ASCC2: variants seen among roughly 807,000 people sequenced by gnomAD.
The protein encoded by ASCC2 is ASC-1 complex subunit P100.
Under a neutral mutation model 93.5 loss-of-function variants are expected in ASCC2, and 42 were observed. That is an observed-to-expected ratio of 0.45 (90% CI 0.35 to 0.58). The LOEUF (loss-of-function observed/expected upper bound fraction) is 0.58. ASCC2 is among the 20% of genes least tolerant of loss of function. The probability of loss-of-function intolerance (pLI) is 0.00; values close to 1 mark genes in which losing one functional copy is unlikely to be tolerated. For synonymous variants in ASCC2, 364 were observed against 384.2 expected (o/e 0.95, Z 0.62); for missense variants, 859 against 977.6 (o/e 0.88, Z 1.62).
intron 1 of ASCC2, among the ~76,000 whole-genome samples, chr22:29,837,438 GA>G (rs57271738): frequency 0.31 from 46,560 of 151,930 alleles, 8,324 homozygotes; most frequent in East Asian, 0.58. Flanking sequence ...GTCTTGGGGG[GA>G]AAAAATAAAT....
intron 15 of ASCC2, among the ~76,000 whole-genome samples, chr22:29,796,834 G>A (rs1056502410): frequency 6.6e-6 from 1 of 152,208 alleles, no homozygotes; most frequent in Non-Finnish European, 1.5e-5. Flanking sequence ...GGAGACTGAG[G>A]AAGAATGAGA....
intron 5 of ASCC2, among the ~76,000 whole-genome samples, chr22:29,818,102 GAA>G (rs34780837): frequency 9.1e-4 from 108 of 118,828 alleles, no homozygotes; most frequent in Non-Finnish European, 1.1e-3. Context: ...GGATTGCTTG[GAA>G]AAAAAAAAAA....
intron 8 of ASCC2, among the ~76,000 whole-genome samples, chr22:29,810,991 A>G (rs1865987604): frequency 6.6e-6 from 1 of 152,174 alleles, no homozygotes; most frequent in East Asian, 1.9e-4. Flanking sequence ...TTGGCCTCCC[A>G]AAGTGCTGGA....
At position 29,825,775 on chromosome 22, in the gene ASCC2, G is replaced by A. The variant is rs537310404; in HGVS notation, c.87C>T (p.Pro29=). ...GKLRTSPALH[P]EQKADRYFVL... ...CAAAATACCGGTCTGCCTTCTGCTC[G>A]GGGTGCTACGGATCCAAAAACCACG... is the stretch of plus-strand genomic sequence containing the variant. Residue 29 remains proline (P), a synonymous_variant, in exon 3 of 20, where the codon CCC becomes CCT. Coordinates refer to ENST00000307790, the MANE Select transcript of ASCC2 (RefSeq NM_032204.5). This position sits in a 1 kb window ranked among gnomAD's most constrained non-coding sequence, Gnocchi z 4.9. 4.9e-5 allele frequency: 79 copies of A among 1,604,486 alleles called. No homozygotes were observed. The highest frequency in any genetic ancestry group is 1.7e-4 in the Middle Eastern group (1 of 6,028).
chr22:29,797,957 G>A (rs371580839), intron 15 of ASCC2, among the ~76,000 whole-genome samples: 6 of 152,056 alleles, frequency 3.9e-5, no homozygotes, highest in African/African-American at 1.4e-4. Context: ...AGTAGAGATG[G>A]GGTTTCACCA....
In ASCC2 at chr22:29,806,879, G is replaced by A; in HGVS notation, c.934C>T (p.Leu312Phe). ...SKLLGDLWQR[L>F]SHSRKKLMEI... is the part of the protein sequence containing the mutation. ...ATTAGCTTCTTCCTGGAATGGGAGA[G>A]CCTCTGCCACAGGTCACCAAGAAGC... The change falls in exon 10 of 20, where the codon CTC becomes TTC. Residue 312 changes from leucine (L) to phenylalanine (F), a missense_variant. Physicochemically the swap from Leu to Phe is conservative, Grantham distance 22 (BLOSUM62 0). Transcript: ENST00000307790. 6.2e-7 allele frequency: 1 copy of A among 1,613,936 alleles called. No homozygotes were observed. Among genetic ancestry groups the A allele is most frequent in the East Asian group, 2.2e-5 (1 of 44,872 alleles).
In ASCC2 at chr22:29,793,563, C is replaced by A. The variant is rs2058048137; in HGVS notation, c.1788+14G>T. ...TTTCCCTGGCCCAGCAGAGACCTGG[C>A]CTTGGTGGCCTACCTCCTCCACCAC... On this transcript the variant is annotated intron_variant, in intron 16 of 19. Transcript: ENST00000307790. 4 of 1,613,200 alleles carry A rather than the reference C, an allele frequency of 2.5e-6. No individual in the cohort carries two copies. The East Asian group carries it at 8.9e-5, about 36-fold the overall frequency.
chr22:29,790,657 T>TG, intron 18 of ASCC2, 109 bp from the exon 19 acceptor site: 8 of 1,161,530 alleles, frequency 6.9e-6, no homozygotes, highest in African/African-American at 1.5e-5. Context: ...ATGCCAGGTG[T>TG]GGGGGGAAGC....
At chr22:29,829,986 A>G (rs1025095219) in intron 2 of ASCC2, among the ~76,000 whole-genome samples, 2 of 152,156 alleles carry the variant, frequency 1.3e-5, no homozygotes, top group Non-Finnish European at 2.9e-5. Flanking sequence ...GTGGACACAT[A>G]TCTTAGTACA....
At chr22:29,792,604 G>T in intron 17 of ASCC2, 69 bp from the exon 18 acceptor site, 1 of 1,598,388 alleles carries the variant, frequency 6.3e-7, no homozygotes, top group East Asian at 2.3e-5. Context: ...AAGGAGGAGG[G>T]AACCTGGTTG....
intron 12 of ASCC2, 74 bp downstream of exon 12, chr22:29,806,142 G>A: frequency 6.6e-7 from 1 of 1,511,184 alleles, no homozygotes; most frequent in Non-Finnish European, 9.2e-7. Flanking sequence ...CACTCCTCTG[G>A]GTTCCAGCAG....
In ASCC2 at chr22:29,792,454, A is replaced by G; in HGVS notation, c.2001T>C (p.Asp667=). 1.2e-6 allele frequency: 2 copies of G among 1,613,906 alleles called. No homozygotes were observed. The highest frequency in any genetic ancestry group is 1.7e-6 in the Non-Finnish European group (2 of 1,179,908). Residue 667 remains aspartate, a synonymous_variant, in exon 18 of 20, where the codon GAT becomes GAC. Transcript: ENST00000307790. The part of the protein sequence containing the change: ...QEEDDDDEED[D]ADEEAPKPDH... ...GTACCTTGGGAGCCTCCTCGTCAGC[A>G]TCGTCTTCCTCATCGTCGTCATCCT...
intron 8 of ASCC2, among the ~76,000 whole-genome samples, chr22:29,812,363 C>T (rs183193440): frequency 1.8e-4 from 27 of 152,326 alleles, no homozygotes; most frequent in African/African-American, 6.0e-4. Flanking sequence ...CCTGGAATGC[C>T]CACACCCACC....
At chr22:29,801,522 T>A (rs556695085) in intron 14 of ASCC2, among the ~76,000 whole-genome samples, 11 of 152,332 alleles carry the variant, frequency 7.2e-5, no homozygotes, top group Non-Finnish European at 1.5e-4. Context: ...AAACATCACT[T>A]GCTCATGGAA....
chr22:29,828,758 G>T (rs773299197), intron 2 of ASCC2, among the ~76,000 whole-genome samples: 5 of 152,200 alleles, frequency 3.3e-5, no homozygotes, highest in Non-Finnish European at 5.9e-5. Flanking sequence ...TGGGAGGAAG[G>T]CATGGATTGC....
At position 29,822,393 on chromosome 22, in the gene ASCC2, G is replaced by C; in HGVS notation, c.483C>G (p.Ile161Met). 6.2e-7 allele frequency: 1 copy of C among 1,614,100 alleles called. No individual in the cohort carries two copies. The highest frequency in any genetic ancestry group is 8.5e-7 in the Non-Finnish European group (1 of 1,180,010). The stretch of plus-strand genomic sequence containing the variant: ...TTCCAAAGAGCACGCAGAGGTCCAG[G>C]ATCTTTGGAATGTCAAAGAGGAAGT... Reference protein sequence around the residue: ...YNNFLFDIPKILDLCVLFGKG... With the variant: ...YNNFLFDIPKMLDLCVLFGKG... Residue 161 changes from isoleucine to methionine, a missense_variant, in exon 5 of 20, where the codon ATC (isoleucine) becomes ATG (methionine). Transcript: ENST00000307790.
chr22:29,838,074 C>T, intron 1 of ASCC2, 104 bp downstream of exon 1: 1 of 436,480 alleles, frequency 2.3e-6, no homozygotes, highest in Non-Finnish European at 4.6e-6. Context: ...GTGGGCCCCG[C>T]AATGGAGGCC....
chr22:29,821,467 C>G (rs1485305038), intron 5 of ASCC2, among the ~76,000 whole-genome samples: 2 of 152,322 alleles, frequency 1.3e-5, no homozygotes, highest in Non-Finnish European at 2.9e-5. Context: ...AGGCAAGTCC[C>G]CTACATTTTA....
rs574913192 is a variant in ASCC2, at chr22:29,818,789, T to C, written c.542-2716A>G. On this transcript the variant is annotated intron_variant, in intron 5 of 19. Transcript: ENST00000307790. ...CATCTTACACCCAATAGGTCCCATG[T>C]TGAACCTCACCTCTACCCAAAGCTT... Among the ~76,000 whole-genome samples, 9 of 152,244 alleles carry C rather than the reference T, an allele frequency of 5.9e-5. No homozygotes were observed. The South Asian group carries it at 1.2e-3, about 21-fold the overall frequency.
Sources: allele counts gnomAD v4.1 joint callset (sites outside exome capture counted in the v4.1 genomes callset), GRCh38; gene constraint gnomAD v4.1.1; non-coding constraint Gnocchi (gnomAD v3.1); transcripts MANE v1.5; gene names NCBI Gene and HGNC (gene_info 2026-07-23, HGNC 2026-07-21).